The following LRRC4C variants were observed in gnomAD, a reference collection of about 807,000 sequenced individuals.
LRRC4C encodes leucine rich repeat containing 4C.
Under a neutral mutation model 33.6 loss-of-function variants are expected in LRRC4C, and 5 were observed. The observed-to-expected ratio is 0.15, with a 90% CI of 0.08 to 0.31. LRRC4C has a LOEUF of 0.31. Ranked by LOEUF, LRRC4C falls within the 10% of genes least tolerant of loss-of-function variation. The probability of loss-of-function intolerance (pLI) is 1.00; values close to 1 mark genes in which losing one functional copy is unlikely to be tolerated. For missense variants in LRRC4C, 560 were observed against 796.7 expected, an observed-to-expected ratio of 0.70 and a Z score of 3.58; for synonymous variants, 329 against 302.0, an observed-to-expected ratio of 1.09 and a Z score of -0.93.
intron 4 of LRRC4C, among the ~76,000 whole-genome samples, chr11:40,246,923 C>T (rs112297765): frequency 9.2e-5 from 14 of 152,242 alleles, no homozygotes; most frequent in African/African-American, 2.6e-4. Flanking sequence ...AATCTAAGCA[C>T]GTTCAAACAC....
intron 3 of LRRC4C, among the ~76,000 whole-genome samples, chr11:40,558,608 C>T (rs1462450164): frequency 1.3e-5 from 2 of 152,200 alleles, no homozygotes; most frequent in Admixed American, 6.5e-5. Context: ...ACTCCTGCCC[C>T]TGTACTGTGT....
chr11:40,472,591 G>A (rs1424362324), intron 3 of LRRC4C, among the ~76,000 whole-genome samples: 2 of 151,230 alleles, frequency 1.3e-5, no homozygotes, highest in Admixed American at 6.6e-5. Context: ...ACTAGCAGAA[G>A]ACAAGAAATA....
chr11:40,584,880 C>T (rs1958642370), intron 3 of LRRC4C, among the ~76,000 whole-genome samples: 2 of 149,688 alleles, frequency 1.3e-5, no homozygotes, highest in African/African-American at 2.5e-5. Flanking sequence ...TGCAGTGAGC[C>T]GAGATCATGC....
intron 3 of LRRC4C, among the ~76,000 whole-genome samples, chr11:40,420,805 T>C (rs1452699562): frequency 6.6e-6 from 1 of 152,208 alleles, no homozygotes; most frequent in Non-Finnish European, 1.5e-5. Context: ...AATGTTAAAG[T>C]CAATGCTTTT....
rs557947639 is a variant in LRRC4C, at chr11:40,776,286, G to T, written c.-406-128008C>A. On this transcript the variant is annotated intron_variant, in intron 2 of 6. Transcript: ENST00000528697. ...CCTGGATTTTTCTCTTTTTTTTTTTGAATATTTTCAGTAGAATTGGTACCA... is the reference window on the plus strand; with the variant it reads ...CCTGGATTTTTCTCTTTTTTTTTTTTAATATTTTCAGTAGAATTGGTACCA... 2.8e-3 allele frequency among the ~76,000 whole-genome samples: 384 copies of T among 139,236 alleles called. 1 individual carries two copies. The highest frequency in any genetic ancestry group is 0.022 in the Middle Eastern group (6 of 272). The allele number at this position is 139,236 out of a possible 152,430, so 91.3% of individuals were successfully genotyped here.
chr11:40,987,657 TATATATGAGATATAAATGATATA>T (rs1853140509), intron 1 of LRRC4C, among the ~76,000 whole-genome samples: 1 of 33,642 alleles, frequency 3.0e-5, no homozygotes, highest in Non-Finnish European at 5.9e-5. Flanking sequence ...ATATATCTCA[TATATATGAGATATAAATGATATA>T]TATATATATA....
intron 1 of LRRC4C, among the ~76,000 whole-genome samples, chr11:41,377,424 ACTT>A (rs949568174): frequency 6.6e-6 from 1 of 152,164 alleles, no homozygotes; most frequent in Admixed American, 6.5e-5. Context: ...AAGACACAAT[ACTT>A]CTTTGCTTAG....
At chr11:40,986,875 C>A (rs1416985947) in intron 1 of LRRC4C, among the ~76,000 whole-genome samples, 1 of 152,126 alleles carries the variant, frequency 6.6e-6, no homozygotes, top group African/African-American at 2.4e-5. Flanking sequence ...AGTACAAAAA[C>A]AATCCGAATG....
chr11:40,196,441 C>G (rs559708938), intron 5 of LRRC4C, among the ~76,000 whole-genome samples: 1 of 152,232 alleles, frequency 6.6e-6, no homozygotes, highest in South Asian at 2.1e-4. Flanking sequence ...ACATGCAAGT[C>G]TGCCCATGAC....
chr11:40,996,818 C>G (rs1260563330), intron 1 of LRRC4C, among the ~76,000 whole-genome samples: 1 of 152,050 alleles, frequency 6.6e-6, no homozygotes, highest in Non-Finnish European at 1.5e-5. Flanking sequence ...ATGGCCAGCT[C>G]TCTCATAAAC....
At chr11:40,560,669 T>C (rs1259366562) in intron 3 of LRRC4C, among the ~76,000 whole-genome samples, 3 of 152,236 alleles carry the variant, frequency 2.0e-5, no homozygotes, top group East Asian at 1.9e-4. Flanking sequence ...GTTTGGGCTC[T>C]AGTTTTACCA....
rs71060947 is a variant in LRRC4C, at chr11:40,218,578, CTATGTATGTATGTATGTATG to C, written c.-96+22921_-96+22940del. 7.5e-3 allele frequency among the ~76,000 whole-genome samples: 867 copies of C among 115,498 alleles called. 34 individuals are homozygous for C. Among genetic ancestry groups the C allele is most frequent in the Admixed American group, 0.036 (415 of 11,572 alleles). 75.8% of individuals were successfully genotyped at this position (115,498 alleles called of 152,430 possible). On this transcript the variant is annotated intron_variant, in intron 5 of 6. Coordinates refer to ENST00000528697, the MANE Select transcript of LRRC4C (RefSeq NM_001258419.2). ...AATTGTGAAACTTGAGATGAAGAATCTATGTATGTATGTATGTATGTATGTATGTATGTATGTATGTATGT... is the reference window on the plus strand; with the variant it reads ...AATTGTGAAACTTGAGATGAAGAATCTATGTATGTATGTATGTATGTATGT...
chr11:40,599,194 A>T (rs1959708431), intron 3 of LRRC4C, among the ~76,000 whole-genome samples: 2 of 151,988 alleles, frequency 1.3e-5, no homozygotes, highest in South Asian at 4.2e-4. Context: ...CATGTCTGTA[A>T]TCCCACAATT....
intron 5 of LRRC4C, among the ~76,000 whole-genome samples, chr11:40,211,055 G>T (rs1292024757): frequency 1.3e-5 from 2 of 152,076 alleles, no homozygotes; most frequent in Non-Finnish European, 2.9e-5. Context: ...AGGATCACAG[G>T]CCTGAGCAAC....
At chr11:40,360,879 C>T (rs1168968054) in intron 3 of LRRC4C, among the ~76,000 whole-genome samples, 2 of 152,024 alleles carry the variant, frequency 1.3e-5, no homozygotes, top group Non-Finnish European at 2.9e-5. Flanking sequence ...AATCTAGCAC[C>T]ACATCAAAAA....
At chr11:41,414,868 A>T (rs1480612450) in intron 1 of LRRC4C, among the ~76,000 whole-genome samples, 1 of 152,184 alleles carries the variant, frequency 6.6e-6, no homozygotes, top group Non-Finnish European at 1.5e-5. Context: ...CTTCCCCAGC[A>T]ATTTGATTAT....
intron 2 of LRRC4C, among the ~76,000 whole-genome samples, chr11:40,896,842 G>A (rs1390526981): frequency 6.6e-6 from 1 of 152,128 alleles, no homozygotes; most frequent in Non-Finnish European, 1.5e-5. Context: ...GCACTGTCAA[G>A]GAGACGTATT....
intron 2 of LRRC4C, among the ~76,000 whole-genome samples, chr11:40,721,888 C>A (rs905200560): frequency 1.3e-5 from 2 of 152,118 alleles, no homozygotes; most frequent in Non-Finnish European, 2.9e-5. Context: ...TTGCAGTGAG[C>A]CAAGATCGCG....
chr11:40,693,088 A>G (rs1181637279), intron 2 of LRRC4C, among the ~76,000 whole-genome samples: 1 of 152,020 alleles, frequency 6.6e-6, no homozygotes, highest in Non-Finnish European at 1.5e-5. Flanking sequence ...TTTTTATGCA[A>G]TGTATCGTGA....
Sources: allele counts gnomAD v4.1 joint callset (sites outside exome capture counted in the v4.1 genomes callset), GRCh38; gene constraint gnomAD v4.1.1; transcripts MANE v1.5; gene names NCBI Gene and HGNC (gene_info 2026-07-23, HGNC 2026-07-21).